PPP2R2B: variants seen among roughly 807,000 people sequenced by gnomAD.
PPP2R2B encodes serine/threonine-protein phosphatase 2A 55 kDa regulatory subunit B beta isoform.
In PPP2R2B, 5 loss-of-function variants were observed where a neutral mutation model predicts 46.0. That is an observed-to-expected ratio of 0.11 (90% CI 0.06 to 0.23). The LOEUF is 0.23. Among genes scored for constraint, PPP2R2B ranks in the 10% least tolerant of loss-of-function variants. The pLI is 1.00. For synonymous variants in PPP2R2B, 215 were observed against 206.7 expected, an observed-to-expected ratio of 1.04 and a Z score of -0.34; for missense variants, 367 against 575.0, an observed-to-expected ratio of 0.64 and a Z score of 3.70.
At chr5:146,668,680 T>A (rs1777156701) in intron 5 of PPP2R2B, among the ~76,000 whole-genome samples, 1 of 152,204 alleles carries the variant, frequency 6.6e-6, no homozygotes, top group Non-Finnish European at 1.5e-5. Context: ...TTGGCTGTGT[T>A]TCCACTTTCT....
chr5:147,047,774 C>A (rs1756610268), intron 1 of PPP2R2B, among the ~76,000 whole-genome samples: 2 of 152,172 alleles, frequency 1.3e-5, no homozygotes, highest in South Asian at 4.1e-4. Flanking sequence ...AAGTGCTCAA[C>A]ATAGTTTCAC....
intron 7 of PPP2R2B, among the ~76,000 whole-genome samples, chr5:146,630,026 C>G (rs984096475): frequency 1.3e-5 from 2 of 152,154 alleles, no homozygotes; most frequent in Non-Finnish European, 1.5e-5. Flanking sequence ...GTTGGCCAGG[C>G]TGGTCTCGAA....
intron 2 of PPP2R2B, chr5:146,706,447 G>T: frequency 9.3e-7 from 1 of 1,073,644 alleles, no homozygotes; most frequent in Non-Finnish European, 1.4e-6. Flanking sequence ...TCTTCCAGCA[G>T]CTTCCTGTAG....
intron 2 of PPP2R2B, among the ~76,000 whole-genome samples, chr5:146,736,031 G>T (rs948173948): frequency 1.3e-5 from 2 of 152,098 alleles, no homozygotes; most frequent in Non-Finnish European, 2.9e-5. Flanking sequence ...TTATGGGAGG[G>T]ACCAGGTGGA....
intron 5 of PPP2R2B, among the ~76,000 whole-genome samples, chr5:146,666,861 A>G (rs1439392889): frequency 1.3e-5 from 2 of 152,214 alleles, no homozygotes; most frequent in Non-Finnish European, 2.9e-5. Flanking sequence ...TCATGTCATC[A>G]AGTAAAATTC....
At chr5:146,691,066 C>G (rs1778818548) in intron 5 of PPP2R2B, 62 bp downstream of exon 5, 1 of 1,460,224 alleles carries the variant, frequency 6.8e-7, no homozygotes, top group Non-Finnish European at 9.5e-7. Flanking sequence ...ACAACCAGCA[C>G]ATGGCCAACC....
At chr5:146,671,695 G>T (rs1168312183) in intron 5 of PPP2R2B, among the ~76,000 whole-genome samples, 1 of 152,196 alleles carries the variant, frequency 6.6e-6, no homozygotes, top group Non-Finnish European at 1.5e-5. Context: ...TGTAAAAGGA[G>T]ACATTATACA....
intron 2 of PPP2R2B, among the ~76,000 whole-genome samples, chr5:146,841,029 A>C (rs1423169998): frequency 1.3e-5 from 2 of 152,192 alleles, no homozygotes; most frequent in East Asian, 1.9e-4. Flanking sequence ...TAGAGTCTCT[A>C]ATGTAGGGAT....
At chr5:146,944,563 A>G (rs2151831333) in intron 1 of PPP2R2B, among the ~76,000 whole-genome samples, 1 of 152,234 alleles carries the variant, frequency 6.6e-6, no homozygotes, top group South Asian at 2.1e-4. Flanking sequence ...GAAATTCAAT[A>G]TATCTCCTGA....
chr5:146,658,708 T>C (rs769821790), intron 5 of PPP2R2B, among the ~76,000 whole-genome samples: 1 of 152,216 alleles, frequency 6.6e-6, no homozygotes, highest in Non-Finnish European at 1.5e-5. Flanking sequence ...AAAAGAAAGA[T>C]ATAGAAGATG....
intron 2 of PPP2R2B, among the ~76,000 whole-genome samples, chr5:147,074,903 C>T (rs553475865): frequency 6.6e-6 from 1 of 152,130 alleles, no homozygotes; most frequent in Admixed American, 6.5e-5. Context: ...AATGTGATGC[C>T]CATGTAGCAA....
At position 146,781,912 on chromosome 5, in the gene PPP2R2B, G is replaced by A. The variant is rs376557943; in HGVS notation, c.71-80770C>T. On this transcript the variant is annotated intron_variant, in intron 2 of 9. Coordinates refer to ENST00000394411, the MANE Select transcript of PPP2R2B (RefSeq NM_181675.4). ...CAAATCTCATGTTGAATTGCAATCCGTAAAGTTGGAGGTGGGGCCTGGTGA... is the reference window on the plus strand; with the variant it reads ...CAAATCTCATGTTGAATTGCAATCCATAAAGTTGGAGGTGGGGCCTGGTGA... Among the ~76,000 whole-genome samples the A allele has an allele frequency of 2.9e-4, 44 of 152,272 alleles. 1 individual carries two copies. In the East Asian group the frequency reaches 8.3e-3, roughly 29 times the overall value.
At chr5:146,984,745 T>C (rs988912760) in intron 1 of PPP2R2B, among the ~76,000 whole-genome samples, 3 of 152,156 alleles carry the variant, frequency 2.0e-5, no homozygotes, top group African/African-American at 7.2e-5. Flanking sequence ...TCTTTGGCTT[T>C]TTTTTTTAAT....
chr5:146,948,584 A>G (rs1764558002), intron 1 of PPP2R2B, among the ~76,000 whole-genome samples: 1 of 90,866 alleles, frequency 1.1e-5, no homozygotes, highest in Non-Finnish European at 2.1e-5. Context: ...AACAAAGGGA[A>G]AAAAAGAAAT....
At chr5:146,594,266 G>C (rs1561751574) in intron 8 of PPP2R2B, among the ~76,000 whole-genome samples, 1 of 152,220 alleles carries the variant, frequency 6.6e-6, no homozygotes, top group Non-Finnish European at 1.5e-5. Context: ...GCAGGAGAGA[G>C]AAAGGGTTGA....
At chr5:146,608,060 T>G (rs893163434) in intron 7 of PPP2R2B, among the ~76,000 whole-genome samples, 12 of 152,226 alleles carry the variant, frequency 7.9e-5, no homozygotes, top group African/African-American at 2.2e-4. Flanking sequence ...TTGCTAGAGT[T>G]GTAAAAAAGA....
At chr5:147,009,898 C>T (rs61333046) in intron 1 of PPP2R2B, among the ~76,000 whole-genome samples, 2,927 of 145,514 alleles carry the variant, frequency 0.02, 127 homozygotes, top group East Asian at 0.19. Flanking sequence ...CACACACACA[C>T]ATATATATAT....
intron 4 of PPP2R2B, 101 bp from the exon 5 acceptor site, chr5:146,691,341 A>G: frequency 1.1e-6 from 1 of 872,310 alleles, no homozygotes. Flanking sequence ...AAGGATGGAT[A>G]GAATTGCTAC....
intron 2 of PPP2R2B, chr5:146,856,623 T>C: frequency 7.0e-7 from 1 of 1,430,304 alleles, no homozygotes; most frequent in Non-Finnish European, 9.8e-7. Context: ...CTCCAGGAGG[T>C]AGTGATGCTT....
Sources: gnomAD v4.1 joint callset for allele counts (sites outside exome capture counted in the v4.1 genomes callset) on GRCh38, gnomAD v4.1.1 for gene constraint, MANE v1.5 for transcripts, NCBI Gene and HGNC (gene_info 2026-07-23, HGNC 2026-07-21) for gene names.